SERPINB13: variants seen among roughly 807,000 people sequenced by gnomAD.
SERPINB13 encodes serpin family B member 13, also known as serpin B13.
Under a neutral mutation model 31.2 loss-of-function variants are expected in SERPINB13, and 26 were observed. The observed-to-expected ratio is 0.83, with a 90% CI of 0.61 to 1.15. The LOEUF is 1.15. SERPINB13 is among the 50% of genes most tolerant of loss of function. The probability of loss-of-function intolerance (pLI) is 0.00; values close to 1 mark genes in which losing one functional copy is unlikely to be tolerated. For missense variants in SERPINB13, 510 were observed against 469.4 expected, an observed-to-expected ratio of 1.09 and a Z score of -0.80; for synonymous variants, 191 against 172.4, an observed-to-expected ratio of 1.11 and a Z score of -0.85.
In SERPINB13 at chr18:63,590,539, G is replaced by A. The variant is rs1050606003; in HGVS notation, c.225+824G>A. On this transcript the variant is annotated intron_variant, in intron 3 of 7. Transcript: ENST00000344731. The stretch of plus-strand genomic sequence containing the variant: ...GGTCAGGCTTCCTTTCAGGGTTTGC[G>A]CAACCAAGTTGGGTCATATGGCCAC... Among the ~76,000 whole-genome samples the A allele has an allele frequency of 2.6e-5, 4 of 152,286 alleles. No homozygotes were observed. The South Asian group carries it at 6.2e-4, about 24-fold the overall frequency.
chr18:63,592,523 G>A, intron 4 of SERPINB13, 47 bp downstream of exon 4: 1 of 1,591,114 alleles, frequency 6.3e-7, no homozygotes, highest in South Asian at 1.1e-5. Flanking sequence ...TTCTGGAATG[G>A]CCAAATGGCC....
chr18:63,589,819 G>C, intron 3 of SERPINB13, 104 bp downstream of exon 3: 1 of 1,582,270 alleles, frequency 6.3e-7, no homozygotes, highest in Non-Finnish European at 8.6e-7. Flanking sequence ...GACTGAGAAA[G>C]GCATGAAAGC....
chr18:63,597,593 A>C lies in SERPINB13; in HGVS notation c.*230A>C, dbSNP rs1008996614. On this transcript the variant is annotated 3_prime_UTR_variant, in exon 8 of 8. Coordinates refer to ENST00000344731, the MANE Select transcript of SERPINB13 (RefSeq NM_012397.4). ...CGTAAGGTGAGTCAAACCAAACCTC[A>C]TTGATAATCTCCCTTTGGTTTCCTT... 1 of 472,756 alleles carries C rather than the reference A, an allele frequency of 2.1e-6. No homozygotes were observed. Among genetic ancestry groups the C allele is most frequent in the East Asian group, 3.4e-5 (1 of 29,440 alleles). 29.3% of individuals were successfully genotyped at this position (472,756 alleles called of 1,614,324 possible).
chr18:63,590,618 C>A (rs890849656), intron 3 of SERPINB13, among the ~76,000 whole-genome samples: 1 of 152,210 alleles, frequency 6.6e-6, no homozygotes, highest in Non-Finnish European at 1.5e-5. Flanking sequence ...CATTCTTTCT[C>A]AGCCATGATA....
intron 2 of SERPINB13, among the ~76,000 whole-genome samples, chr18:63,589,348 C>T (rs921674554): frequency 2.6e-5 from 4 of 151,876 alleles, no homozygotes; most frequent in Non-Finnish European, 5.9e-5. Context: ...CCCAGCTACT[C>T]GGAAGGCTGA....
chr18:63,590,318 A>G (rs2144392297), intron 3 of SERPINB13, among the ~76,000 whole-genome samples: 1 of 152,292 alleles, frequency 6.6e-6, no homozygotes, highest in East Asian at 1.9e-4. Flanking sequence ...AAATATGGGA[A>G]AGGAATAAGC....
chr18:63,588,814 C>A lies in SERPINB13; in HGVS notation c.147C>A (p.Thr49=). Residue 49 remains threonine (T), a synonymous_variant, in exon 2 of 8, where the codon ACC becomes ACA. Transcript: ENST00000344731. ...GMVLLGTRGA[T]ASQLEEVFHS... Reference sequence around the variant, plus strand: ...TCCTCCTGGGGACCCGAGGAGCCACCGCTTCCCAGTTGGAGGAGGTTGGGC... The same window carrying A: ...TCCTCCTGGGGACCCGAGGAGCCACAGCTTCCCAGTTGGAGGAGGTTGGGC... 1.2e-6 allele frequency: 2 copies of A among 1,613,956 alleles called. No homozygotes were observed. The highest frequency in any genetic ancestry group is 8.5e-7 in the Non-Finnish European group (1 of 1,179,912).
chr18:63,588,878 A>G (rs59160527), intron 2 of SERPINB13, 46 bp downstream of exon 2: 35 of 1,516,474 alleles, frequency 2.3e-5, no homozygotes, highest in Non-Finnish European at 3.1e-5. Flanking sequence ...GCACAAATTC[A>G]TTTGGCGGGG....
At position 63,594,173 on chromosome 18, in the gene SERPINB13, C is replaced by T. The variant is rs184795653; in HGVS notation, c.473-182C>T. On this transcript the variant is annotated intron_variant, in intron 5 of 7. Transcript: ENST00000344731. ...TAATTTATCCACTGGGATAAATAGGCGATGGGCAAAATGAGAACCTCCCCG... is the reference window on the plus strand; with the variant it reads ...TAATTTATCCACTGGGATAAATAGGTGATGGGCAAAATGAGAACCTCCCCG... 1.9e-3 allele frequency: 2,879 copies of T among 1,507,928 alleles called. 4 individuals carry two copies. Among genetic ancestry groups the T allele is most frequent in the Non-Finnish European group, 1.8e-3 (2,037 of 1,120,560 alleles). 93.4% of individuals were successfully genotyped at this position (1,507,928 alleles called of 1,614,324 possible).
chr18:63,596,268 C>G (rs1381130171), intron 7 of SERPINB13, among the ~76,000 whole-genome samples: 1 of 152,084 alleles, frequency 6.6e-6, no homozygotes, highest in Non-Finnish European at 1.5e-5. Flanking sequence ...AGCAAAATAG[C>G]AATATGTCTG....
intron 1 of SERPINB13, 150 bp from the exon 2 acceptor site, chr18:63,588,501 G>A (rs1911642878): frequency 4.3e-6 from 3 of 699,290 alleles, no homozygotes; most frequent in Admixed American, 2.8e-5. Flanking sequence ...AAGAGAGGAC[G>A]TGAGAAGCAG....
rs780507547 is a variant in SERPINB13 at position 63,589,775 on chromosome 18, G to GT, written c.225+62dup. ...GATGTGTTTTACAAACTTCAGTAGA[G>GT]TTGCATTTTAGGTGTGGGGTCTCTG... is the stretch of plus-strand genomic sequence containing the variant. On this transcript the variant is annotated intron_variant, in intron 3 of 7. Coordinates refer to ENST00000344731, the MANE Select transcript of SERPINB13 (RefSeq NM_012397.4). 1.5e-4 allele frequency: 240 copies of GT among 1,611,990 alleles called. No homozygotes were observed. The African/African-American group carries it at 3.0e-3, about 20-fold the overall frequency.
intron 7 of SERPINB13, among the ~76,000 whole-genome samples, chr18:63,596,257 C>T (rs1252429995): frequency 2.0e-5 from 3 of 152,128 alleles, no homozygotes; most frequent in Non-Finnish European, 1.5e-5. Context: ...TATTTTGAGA[C>T]AGCAAAATAG....
chr18:63,597,396 C>A lies in SERPINB13; in HGVS notation c.*33C>A. 1.3e-6 allele frequency: 2 copies of A among 1,558,664 alleles called. No individual in the cohort carries two copies. The highest frequency in any genetic ancestry group is 3.7e-5 in the Admixed American group (2 of 53,346). Reference sequence around the variant, plus strand: ...GTTGCCATGGCATTGCTGCTTTTAGCAAAAAACAACTACCAGTGTTACTCA... The same window carrying A: ...GTTGCCATGGCATTGCTGCTTTTAGAAAAAAACAACTACCAGTGTTACTCA... On this transcript the variant is annotated 3_prime_UTR_variant, in exon 8 of 8. Transcript: ENST00000344731.
At chr18:63,594,316 G>A (rs1407023265) in intron 5 of SERPINB13, 39 bp from the exon 6 acceptor site, 1 of 1,612,328 alleles carries the variant, frequency 6.2e-7, no homozygotes, top group Non-Finnish European at 8.5e-7. Flanking sequence ...TTTGTCATTT[G>A]GAAGATGGGT....
At chr18:63,589,585 C>A in intron 2 of SERPINB13, 71 bp from the exon 3 acceptor site, 1 of 1,563,026 alleles carries the variant, frequency 6.4e-7, no homozygotes, top group South Asian at 1.2e-5. Context: ...AGCGTCCACT[C>A]TCCCCTGACT....
intron 5 of SERPINB13, among the ~76,000 whole-genome samples, chr18:63,593,249 C>T (rs1911963411): frequency 6.6e-6 from 1 of 152,104 alleles, no homozygotes. Flanking sequence ...CTGCATGAAG[C>T]CAAATGCACG....
rs1911903521 is a variant in SERPINB13 at position 63,592,350 on chromosome 18, T to C, written c.228T>C (p.Ile76=). The change falls in exon 4 of 8, where the codon ATT becomes ATC. Residue 76 remains isoleucine, a splice_region_variant and synonymous_variant. Transcript: ENST00000344731. The part of the protein sequence containing the change: ...SRIKAEEKEV[I]ENTEAVHQQF... ...GAGATTTTGTTTTAATTTTCAAGAT[T>C]GAGAACACAGAAGCAGTACATCAAC... 1 of 1,605,934 alleles carries C rather than the reference T, an allele frequency of 6.2e-7. No homozygotes were observed. The highest frequency in any genetic ancestry group is 1.3e-5 in the African/African-American group (1 of 74,536).
intron 3 of SERPINB13, 194 bp downstream of exon 3, chr18:63,589,909 C>T: frequency 1.8e-6 from 2 of 1,132,940 alleles, no homozygotes; most frequent in Non-Finnish European, 2.4e-6. Flanking sequence ...AATAATAACC[C>T]CTTAATATTG....
Sources: allele counts gnomAD v4.1 joint callset (sites outside exome capture counted in the v4.1 genomes callset), GRCh38; gene constraint gnomAD v4.1.1; transcripts MANE v1.5; gene names NCBI Gene and HGNC (gene_info 2026-07-23, HGNC 2026-07-21).